DCC: variants seen among roughly 807,000 people sequenced by gnomAD.
DCC encodes the protein netrin receptor DCC.
Under a neutral mutation model 172.5 loss-of-function variants are expected in DCC, and 58 were observed. That is an observed-to-expected ratio of 0.34 (90% confidence interval 0.27 to 0.42). DCC has a LOEUF of 0.42. Ranked by LOEUF, DCC falls within the 10% of genes least tolerant of loss-of-function variation. DCC has a pLI of 1.00. For missense variants in DCC, 1,740 were observed against 1,791.0 expected, an observed-to-expected ratio of 0.97 and a Z score of 0.51; for synonymous variants, 709 against 644.5, an observed-to-expected ratio of 1.10 and a Z score of -1.52.
intron 1 of DCC, among the ~76,000 whole-genome samples, chr18:52,477,247 G>A (rs567979426): frequency 2.6e-5 from 4 of 152,106 alleles, no homozygotes; most frequent in South Asian, 2.1e-4. Flanking sequence ...TGCATCATGC[G>A]AAGAGATTGG....
At chr18:52,840,324 A>G (rs2038782281) in intron 2 of DCC, among the ~76,000 whole-genome samples, 1 of 152,202 alleles carries the variant, frequency 6.6e-6, no homozygotes, top group Non-Finnish European at 1.5e-5. Context: ...TTTTCCAATC[A>G]TAGTCTCATG....
intron 1 of DCC, among the ~76,000 whole-genome samples, chr18:52,458,116 G>A (rs922650584): frequency 1.3e-5 from 2 of 152,088 alleles, no homozygotes; most frequent in Non-Finnish European, 2.9e-5. Context: ...GTCCTTGGTG[G>A]TCCAAATTTT....
At chr18:52,891,182 A>AC (rs1210793177) in intron 2 of DCC, among the ~76,000 whole-genome samples, 2 of 152,078 alleles carry the variant, frequency 1.3e-5, no homozygotes, top group African/African-American at 4.8e-5. Context: ...CTTCTCTCTT[A>AC]CCATAAGTCC....
At chr18:53,241,933 C>G (rs896593455) in intron 12 of DCC, among the ~76,000 whole-genome samples, 1 of 152,132 alleles carries the variant, frequency 6.6e-6, no homozygotes, top group Non-Finnish European at 1.5e-5. Context: ...TTCAATCAGG[C>G]AAAGAGGAAG....
chr18:52,488,221 C>T (rs550208102), intron 1 of DCC, among the ~76,000 whole-genome samples: 2 of 152,104 alleles, frequency 1.3e-5, no homozygotes, highest in Non-Finnish European at 2.9e-5. Context: ...CTTTGATTAG[C>T]TATGTTTCTT....
At chr18:53,181,992 A>G (rs559181050) in intron 9 of DCC, among the ~76,000 whole-genome samples, 1 of 152,358 alleles carries the variant, frequency 6.6e-6, no homozygotes, top group East Asian at 1.9e-4. Context: ...AGCCATGTCT[A>G]TGCTTTATAT....
intron 12 of DCC, among the ~76,000 whole-genome samples, chr18:53,230,863 T>C (rs1282867785): frequency 6.6e-6 from 1 of 152,024 alleles, no homozygotes; most frequent in East Asian, 1.9e-4. Flanking sequence ...AATTCAGTGA[T>C]TTTTTGGAAA....
intron 2 of DCC, among the ~76,000 whole-genome samples, chr18:52,800,935 T>G (rs147464761): frequency 4.2e-4 from 64 of 152,304 alleles, no homozygotes; most frequent in African/African-American, 1.5e-3. Flanking sequence ...GCTGGCGTAT[T>G]GGCAGGGTGC....
At chr18:52,593,685 A>C (rs2033849316) in intron 1 of DCC, among the ~76,000 whole-genome samples, 1 of 152,238 alleles carries the variant, frequency 6.6e-6, no homozygotes, top group African/African-American at 2.4e-5. Context: ...TTGGTGCTGG[A>C]CAATGCTCTG....
intron 5 of DCC, among the ~76,000 whole-genome samples, chr18:53,061,061 C>T (rs2042488625): frequency 6.6e-6 from 1 of 151,930 alleles, no homozygotes; most frequent in Admixed American, 6.6e-5. Flanking sequence ...TATATTTTTG[C>T]ATTTATTTTA....
At chr18:52,387,345 A>T (rs995428077) in intron 1 of DCC, among the ~76,000 whole-genome samples, 1 of 152,128 alleles carries the variant, frequency 6.6e-6, no homozygotes, top group Non-Finnish European at 1.5e-5. Flanking sequence ...GAAGAAAAAA[A>T]TTGGTAAATT....
At chr18:53,041,046 C>T (rs538645084) in intron 5 of DCC, among the ~76,000 whole-genome samples, 43 of 151,956 alleles carry the variant, frequency 2.8e-4, no homozygotes, top group South Asian at 8.3e-4. Context: ...TAATTAGATC[C>T]CATGTATTAA....
chr18:53,236,274 G>A lies in DCC; in HGVS notation c.1911+20677G>A, dbSNP rs536074397. Among the ~76,000 whole-genome samples the A allele has an allele frequency of 2.0e-5, 3 of 152,198 alleles. No individual in the cohort carries two copies. In the South Asian group the frequency reaches 6.2e-4, roughly 32 times the overall value. On this transcript the variant is annotated intron_variant, in intron 12 of 28. Coordinates refer to ENST00000442544, the MANE Select transcript of DCC (RefSeq NM_005215.4). ...CATCTTAATTTTAGCAAATCTAATA[G>A]GTATACAGTTACATCACCTTGTGGC...
chr18:53,137,823 A>AT (rs894864031), intron 7 of DCC, among the ~76,000 whole-genome samples: 36 of 150,860 alleles, frequency 2.4e-4, no homozygotes, highest in East Asian at 3.9e-4. Context: ...TAATATTACT[A>AT]TTTTTTTTTC....
At chr18:52,612,961 T>G (rs1200895193) in intron 1 of DCC, among the ~76,000 whole-genome samples, 1 of 152,178 alleles carries the variant, frequency 6.6e-6, no homozygotes, top group Non-Finnish European at 1.5e-5. Flanking sequence ...AAGTTCGTCT[T>G]TTGCTTTGTT....
At chr18:53,130,578 G>A (rs904029231) in intron 7 of DCC, among the ~76,000 whole-genome samples, 67 of 152,226 alleles carry the variant, frequency 4.4e-4, no homozygotes, top group African/African-American at 1.3e-3. Context: ...CTAAGTTGAC[G>A]TATGTGGTGG....
At chr18:52,458,351 AG>A (rs1194366182) in intron 1 of DCC, among the ~76,000 whole-genome samples, 7 of 152,060 alleles carry the variant, frequency 4.6e-5, no homozygotes, top group Non-Finnish European at 8.8e-5. Flanking sequence ...TTATTTCAGG[AG>A]ACTCATTGTC....
At chr18:52,632,124 T>C (rs1215669415) in intron 1 of DCC, among the ~76,000 whole-genome samples, 1 of 152,214 alleles carries the variant, frequency 6.6e-6, no homozygotes, top group East Asian at 1.9e-4. Flanking sequence ...CTAGCAATTA[T>C]CAATCCTTGT....
At chr18:53,094,655 T>C (rs2043059431) in intron 7 of DCC, among the ~76,000 whole-genome samples, 1 of 152,204 alleles carries the variant, frequency 6.6e-6, no homozygotes, top group Non-Finnish European at 1.5e-5. Context: ...TAAGAATGCA[T>C]GCAGCTAATA....
Sources: gnomAD v4.1 joint callset for allele counts (sites outside exome capture counted in the v4.1 genomes callset) on GRCh38, gnomAD v4.1.1 for gene constraint, MANE v1.5 for transcripts, NCBI Gene and HGNC (gene_info 2026-07-23, HGNC 2026-07-21) for gene names.